The following ZPBP variants were observed in gnomAD, a reference collection of about 807,000 sequenced individuals.
ZPBP encodes zona pellucida binding protein.
In ZPBP, 26 loss-of-function variants were observed where a neutral mutation model predicts 44.8. The observed-to-expected ratio is 0.58, with a 90% CI of 0.43 to 0.81. ZPBP has a LOEUF of 0.81. Among genes scored for constraint, ZPBP ranks in the 30% least tolerant of loss-of-function variants. The pLI is 0.00. For synonymous variants in ZPBP, 174 were observed against 153.2 expected (o/e 1.14, Z -1.00); for missense variants, 409 against 434.0 (o/e 0.94, Z 0.51).
chr7:49,936,946 A>G (rs550660638), downstream of ZPBP, among the ~76,000 whole-genome samples: 13 of 152,304 alleles, frequency 8.5e-5, no homozygotes, highest in South Asian at 1.4e-3. Context: ...CTAAAATGCC[A>G]AAAAGGTAAT....
intron 4 of ZPBP, 50 bp downstream of exon 4, chr7:50,057,939 T>A: frequency 6.5e-7 from 1 of 1,529,518 alleles, no homozygotes. Flanking sequence ...CATATTTAAA[T>A]GTTTAAAATC....
chr7:49,848,326 C>T (rs1790038758), downstream of ZPBP, among the ~76,000 whole-genome samples: 1 of 152,232 alleles, frequency 6.6e-6, no homozygotes, highest in Non-Finnish European at 1.5e-5. Context: ...GATCTTCTCT[C>T]TCCTGTGGGG....
chr7:49,879,549 C>T (rs1435607840), intron 2 of ZPBP, among the ~76,000 whole-genome samples: 1 of 152,102 alleles, frequency 6.6e-6, no homozygotes. Flanking sequence ...TAGGGCCTGT[C>T]CACTTCTGTT....
chr7:49,881,465 A>ACC (rs1791661241), intron 2 of ZPBP, among the ~76,000 whole-genome samples: 2 of 152,158 alleles, frequency 1.3e-5, no homozygotes, highest in South Asian at 4.1e-4. Flanking sequence ...GCCTAACCCT[A>ACC]CCTCACCTCT....
intron 7 of ZPBP, among the ~76,000 whole-genome samples, chr7:49,951,637 A>G (rs536325259): frequency 2.6e-5 from 4 of 151,502 alleles, no homozygotes; most frequent in Non-Finnish European, 4.4e-5. Flanking sequence ...GTAAAATGGT[A>G]TATGTCTTGT....
At chr7:50,000,330 C>G (rs1029299827) in intron 6 of ZPBP, among the ~76,000 whole-genome samples, 1 of 152,036 alleles carries the variant, frequency 6.6e-6, no homozygotes. Context: ...ACATGTATGT[C>G]CCTTTCCCAG....
intron 7 of ZPBP, among the ~76,000 whole-genome samples, chr7:49,981,459 TAA>T (rs1796924807): frequency 1.3e-5 from 1 of 74,848 alleles, no homozygotes; most frequent in East Asian, 3.9e-4. Context: ...GTACATATAA[TAA>T]TATATATAAT....
chr7:49,876,802 T>A (rs1791430536), intron 2 of ZPBP, among the ~76,000 whole-genome samples: 1 of 152,156 alleles, frequency 6.6e-6, no homozygotes, highest in Non-Finnish European at 1.5e-5. Flanking sequence ...AATGATTCTC[T>A]TAATTACAGT....
chr7:50,044,921 T>TC (rs1169162300), intron 4 of ZPBP, among the ~76,000 whole-genome samples: 1 of 151,318 alleles, frequency 6.6e-6, no homozygotes, highest in African/African-American at 2.4e-5. Flanking sequence ...TAAAATACTG[T>TC]CCAGCAGCAC....
chr7:49,875,369 C>CAAAAAAAAAAAAAAAAAAAA lies in ZPBP; in HGVS notation n.510-24875_510-24856dup, dbSNP rs71018432. ...TGGGTAACAGAGTGAGATTCTGACT[C>CAAAAAAAAAAAAAAAAAAAA]AAAAAAAAAAAAAAAAAAAAAAAAA... On this transcript the variant is annotated intron_variant and non_coding_transcript_variant, in intron 2 of 2. Coordinates refer to the ZPBP transcript ENST00000465922. Among the ~76,000 whole-genome samples, 14 of 19,014 alleles carry CAAAAAAAAAAAAAAAAAAAA rather than the reference C, an allele frequency of 7.4e-4. 3 individuals are homozygous for CAAAAAAAAAAAAAAAAAAAA. The highest frequency in any genetic ancestry group is 6.5e-3 in the East Asian group (2 of 308). The allele number at this position is 19,014 out of a possible 152,430, so 12.5% of individuals were successfully genotyped here. A position where few individuals can be genotyped will look rare whatever the true frequency, so the allele number is the denominator to read the frequency against.
At chr7:49,913,357 T>C (rs1392933776) in intron 1 of ZPBP, 3 of 152,368 alleles carry the variant, frequency 2.0e-5, no homozygotes, top group African/African-American at 7.2e-5. Flanking sequence ...AAAGTCCTGC[T>C]AATCTAATTA....
chr7:49,918,527 T>G (rs1370562298), intron 1 of ZPBP: 1 of 152,208 alleles, frequency 6.6e-6, no homozygotes, highest in Non-Finnish European at 1.5e-5. Flanking sequence ...TCTAGAGATC[T>G]CTTTTTAAAA....
intron 2 of ZPBP, among the ~76,000 whole-genome samples, chr7:49,860,401 G>A (rs996742871): frequency 6.6e-6 from 1 of 152,102 alleles, no homozygotes; most frequent in South Asian, 2.1e-4. Flanking sequence ...TGTTTTCAAG[G>A]TTCATCCAAC....
At chr7:49,874,674 T>C (rs1214738973) in intron 2 of ZPBP, among the ~76,000 whole-genome samples, 2 of 152,192 alleles carry the variant, frequency 1.3e-5, no homozygotes, top group Non-Finnish European at 2.9e-5. Flanking sequence ...CTGGAATTTA[T>C]AAAATTGCTG....
chr7:49,893,856 G>A (rs1321687628), intron 2 of ZPBP, among the ~76,000 whole-genome samples: 1 of 152,126 alleles, frequency 6.6e-6, no homozygotes, highest in East Asian at 1.9e-4. Context: ...GTAAAGTTTG[G>A]AATACTTGGG....
At position 49,856,798 on chromosome 7, in the gene ZPBP, A is replaced by G. The variant is rs547302218; in HGVS notation, n.510-6284T>C. On this transcript the variant is annotated intron_variant and non_coding_transcript_variant, in intron 2 of 2. Transcript: ENST00000465922. ...GCCGAGGTGGGCGGATCACGAGGTC[A>G]GGAGATCGAGACCATCCTGGCTAAC... Among the ~76,000 whole-genome samples the G allele has an allele frequency of 3.3e-5, 5 of 152,212 alleles. No homozygotes were observed. The East Asian group carries it at 9.7e-4, about 29-fold the overall frequency.
At chr7:50,090,621 A>ACG (rs1802931007) in intron 1 of ZPBP, among the ~76,000 whole-genome samples, 1 of 147,512 alleles carries the variant, frequency 6.8e-6, no homozygotes, top group Non-Finnish European at 1.5e-5. Flanking sequence ...ATGTGTATAT[A>ACG]TGTGTATATA....
At chr7:49,906,396 G>A (rs886508757) in intron 1 of ZPBP, among the ~76,000 whole-genome samples, 4 of 151,788 alleles carry the variant, frequency 2.6e-5, no homozygotes, top group Admixed American at 6.6e-5. Flanking sequence ...GTGCAGTGGC[G>A]GCGACCTCAG....
chr7:50,017,695 C>T (rs936852529), intron 6 of ZPBP, among the ~76,000 whole-genome samples: 2 of 151,902 alleles, frequency 1.3e-5, no homozygotes, highest in African/African-American at 4.8e-5. Flanking sequence ...TTACTGTTTA[C>T]AATGTGTTTA....
Sources: gnomAD v4.1 joint callset for allele counts (sites outside exome capture counted in the v4.1 genomes callset) on GRCh38, gnomAD v4.1.1 for gene constraint, MANE v1.5 for transcripts, NCBI Gene and HGNC (gene_info 2026-07-23, HGNC 2026-07-21) for gene names.